Variants in VTI1A observed in about 807,000 individuals in gnomAD.
VTI1A encodes vesicle transport through interaction with t-SNAREs 1A.
A neutral mutation model predicts 34.9 loss-of-function variants in VTI1A; 22 were observed. The observed-to-expected ratio is 0.63, with a 90% CI of 0.45 to 0.90. The LOEUF (loss-of-function observed/expected upper bound fraction) is 0.90, where lower values mean the gene tolerates loss of function less well. Among genes scored for constraint, VTI1A ranks in the 40% least tolerant of loss-of-function variants. The pLI is 0.00. For synonymous variants in VTI1A, 87 were observed against 97.3 expected (o/e 0.89, Z 0.62); for missense variants, 268 against 275.6 (o/e 0.97, Z 0.20).
chr10:112,607,823 C>T (rs930353316), intron 5 of VTI1A, among the ~76,000 whole-genome samples: 5 of 152,170 alleles, frequency 3.3e-5, no homozygotes, highest in Non-Finnish European at 5.9e-5. Context: ...AAGCCTTGTG[C>T]TTTTATTCCA....
At chr10:112,499,793 C>T (rs935989069) in intron 3 of VTI1A, among the ~76,000 whole-genome samples, 2 of 152,188 alleles carry the variant, frequency 1.3e-5, no homozygotes, top group African/African-American at 4.8e-5. Flanking sequence ...CTTTGCCTTA[C>T]CCTCACCCCC....
chr10:112,778,212 A>C (rs1217049096), intron 7 of VTI1A, among the ~76,000 whole-genome samples: 1 of 152,254 alleles, frequency 6.6e-6, no homozygotes, highest in Non-Finnish European at 1.5e-5. Flanking sequence ...TGGAATTACC[A>C]GCTACCTGGA....
At chr10:112,819,536 C>A (rs903841853), downstream of VTI1A, among the ~76,000 whole-genome samples, 4 of 152,070 alleles carry the variant, frequency 2.6e-5, no homozygotes, top group African/African-American at 9.7e-5. Context: ...TGGGGAGGGT[C>A]TGATTGGGGG....
chr10:112,750,583 G>T (rs1299223936), intron 7 of VTI1A, among the ~76,000 whole-genome samples: 3 of 152,080 alleles, frequency 2.0e-5, no homozygotes. Context: ...TTCAACTTAA[G>T]CTTTTGTGGG....
chr10:112,629,040 A>G (rs1036582672), intron 5 of VTI1A, among the ~76,000 whole-genome samples: 2 of 152,218 alleles, frequency 1.3e-5, no homozygotes, highest in Non-Finnish European at 2.9e-5. Flanking sequence ...TCACTTAATC[A>G]TGAACAACCT....
chr10:112,842,050 CCTTTTT>C, the VTI1A span, among the ~76,000 whole-genome samples: 9 of 93,164 alleles, frequency 9.7e-5, no homozygotes, highest in African/African-American at 3.8e-4. Flanking sequence ...TTTTTTTTTT[CCTTTTT>C]TTTTTTTTTT....
At chr10:112,678,750 C>T (rs1407503593) in intron 7 of VTI1A, among the ~76,000 whole-genome samples, 3 of 152,178 alleles carry the variant, frequency 2.0e-5, no homozygotes, top group East Asian at 1.9e-4. Flanking sequence ...TGCAGGTGGT[C>T]GAGCTAGCTG....
At chr10:112,850,334 A>G in the VTI1A span, among the ~76,000 whole-genome samples, 3 of 145,690 alleles carry the variant, frequency 2.1e-5, no homozygotes, top group Non-Finnish European at 4.5e-5. Context: ...TTTTCGAACT[A>G]TGTGAGTCAT....
chr10:112,524,056 A>G (rs1384956678), intron 3 of VTI1A, among the ~76,000 whole-genome samples: 1 of 152,102 alleles, frequency 6.6e-6, no homozygotes, highest in Non-Finnish European at 1.5e-5. Flanking sequence ...CATAAAAGGT[A>G]ACATAACTTA....
At chr10:112,736,622 G>C (rs1850483945) in intron 7 of VTI1A, 10 of 1,516,138 alleles carry the variant, frequency 6.6e-6, no homozygotes, top group Non-Finnish European at 8.9e-6. Flanking sequence ...AAAGCCTGCT[G>C]TTCTAAATGC....
rs565997568 is a variant in VTI1A at position 112,563,994 on chromosome 10, A to C, written c.427+25664A>C. On this transcript the variant is annotated intron_variant, in intron 5 of 7. Coordinates refer to ENST00000393077, the MANE Select transcript of VTI1A (RefSeq NM_145206.4). Reference sequence around the variant, plus strand: ...TTTAAATATGGTTTTTAAACATTAGACATCATAAAGTTTATTTTAAAAACC... The same window carrying C: ...TTTAAATATGGTTTTTAAACATTAGCCATCATAAAGTTTATTTTAAAAACC... Among the ~76,000 whole-genome samples the C allele has an allele frequency of 1.2e-3, 183 of 152,278 alleles. 1 individual carries two copies. Among genetic ancestry groups the C allele is most frequent in the African/African-American group, 4.2e-3 (175 of 41,562 alleles).
At chr10:112,461,200 A>G (rs1025414604) in intron 2 of VTI1A, among the ~76,000 whole-genome samples, 1 of 152,236 alleles carries the variant, frequency 6.6e-6, no homozygotes, top group Non-Finnish European at 1.5e-5. Context: ...CAACAGCATT[A>G]GAATACCTTA....
chr10:112,687,218 A>ATTTTTTTT (rs1564883856), intron 7 of VTI1A, among the ~76,000 whole-genome samples: 6 of 124,180 alleles, frequency 4.8e-5, no homozygotes, highest in African/African-American at 1.6e-4. Context: ...GCATACTACA[A>ATTTTTTTT]CTTTTTTTTT....
chr10:112,837,845 C>T, the VTI1A span, among the ~76,000 whole-genome samples: 1 of 152,134 alleles, frequency 6.6e-6, no homozygotes, highest in East Asian at 1.9e-4. Flanking sequence ...ATTTGGTTTG[C>T]CTCACAGTCA....
At chr10:112,549,022 T>A (rs558819472) in intron 5 of VTI1A, 377 of 599,818 alleles carry the variant, frequency 6.3e-4, no homozygotes, top group Non-Finnish European at 1.0e-3. Context: ...TTTTGAGTGT[T>A]CACTGTGCCA....
At chr10:112,619,526 A>G (rs1161079918) in intron 5 of VTI1A, among the ~76,000 whole-genome samples, 1 of 152,186 alleles carries the variant, frequency 6.6e-6, no homozygotes, top group Non-Finnish European at 1.5e-5. Flanking sequence ...GAGGCCCCCA[A>G]GCGACAGGGC....
chr10:112,589,504 A>G (rs1328942421), intron 5 of VTI1A, among the ~76,000 whole-genome samples: 1 of 152,182 alleles, frequency 6.6e-6, no homozygotes, highest in Non-Finnish European at 1.5e-5. Flanking sequence ...AGTCTTGGGT[A>G]TGTCTTTATC....
chr10:112,709,962 T>C (rs558403976), intron 7 of VTI1A, among the ~76,000 whole-genome samples: 1 of 144,618 alleles, frequency 6.9e-6, no homozygotes, highest in African/African-American at 2.6e-5. Context: ...AAGTGCTCTG[T>C]GTTGCTTTGA....
At chr10:112,453,379 A>G (rs1847311197) in intron 1 of VTI1A, among the ~76,000 whole-genome samples, 1 of 152,242 alleles carries the variant, frequency 6.6e-6, no homozygotes, top group Admixed American at 6.5e-5. Flanking sequence ...ATATATGCAT[A>G]GCCTATACTT....
Sources: allele counts gnomAD v4.1 joint callset (sites outside exome capture counted in the v4.1 genomes callset), GRCh38; gene constraint gnomAD v4.1.1; transcripts MANE v1.5; gene names NCBI Gene and HGNC (gene_info 2026-07-23, HGNC 2026-07-21).